The following CELF4 variants were observed in gnomAD, a reference collection of about 807,000 sequenced individuals.
CELF4 encodes CUGBP Elav-like family member 4.
A neutral mutation model predicts 59.9 loss-of-function variants in CELF4; 18 were observed. The ratio of observed to expected loss-of-function variants is 0.30; its 90% CI spans 0.21 to 0.45. The LOEUF (loss-of-function observed/expected upper bound fraction) is 0.45, where lower values mean the gene tolerates loss of function less well. CELF4 is among the 20% of genes least tolerant of loss of function. The pLI is 1.00. For missense variants in CELF4, 456 were observed against 689.0 expected, an observed-to-expected ratio of 0.66 and a Z score of 3.79; for synonymous variants, 261 against 267.1, an observed-to-expected ratio of 0.98 and a Z score of 0.22.
intron 1 of CELF4, among the ~76,000 whole-genome samples, chr18:37,498,613 G>A (rs79414125): frequency 0.028 from 4,254 of 151,142 alleles, 111 homozygotes; most frequent in African/African-American, 0.065. Flanking sequence ...ATTTTCCCCC[G>A]ACCATCCCAG....
At chr18:37,540,952 G>A (rs1023867632) in intron 1 of CELF4, among the ~76,000 whole-genome samples, 6 of 152,120 alleles carry the variant, frequency 3.9e-5, no homozygotes, top group Non-Finnish European at 8.8e-5. Flanking sequence ...GGGGGCATGG[G>A]GAAGGAGGAC....
intron 4 of CELF4, 32 bp downstream of exon 4, chr18:37,275,083 C>G: frequency 1.2e-6 from 2 of 1,608,758 alleles, no homozygotes; most frequent in Non-Finnish European, 1.7e-6. Flanking sequence ...CCCCTCCCTC[C>G]GGGGCATCCC....
intron 2 of CELF4, among the ~76,000 whole-genome samples, chr18:37,344,810 G>A (rs1465830239): frequency 2.0e-5 from 3 of 152,234 alleles, no homozygotes; most frequent in African/African-American, 7.2e-5. Context: ...GCTGCAAGGG[G>A]AGGGGACACG....
chr18:37,249,356 C>G (rs986516405), intron 12 of CELF4, among the ~76,000 whole-genome samples: 1 of 152,170 alleles, frequency 6.6e-6, no homozygotes, highest in African/African-American at 2.4e-5. Flanking sequence ...CTTTCTCCCT[C>G]CATTCCAGCC....
intron 2 of CELF4, among the ~76,000 whole-genome samples, chr18:37,392,137 G>A (rs1163835856): frequency 6.6e-6 from 1 of 152,228 alleles, no homozygotes; most frequent in East Asian, 1.9e-4. Context: ...TCATCACTGT[G>A]GTGGGGGAAG....
chr18:37,256,673 T>C (rs571073788), intron 11 of CELF4, among the ~76,000 whole-genome samples: 2 of 151,614 alleles, frequency 1.3e-5, no homozygotes, highest in South Asian at 2.1e-4. Flanking sequence ...GCAACCTCCC[T>C]TCCTGGGTTC....
intron 2 of CELF4, among the ~76,000 whole-genome samples, chr18:37,483,793 G>C (rs992490671): frequency 6.6e-6 from 1 of 152,170 alleles, no homozygotes; most frequent in Non-Finnish European, 1.5e-5. Flanking sequence ...GATTGCTTCT[G>C]AGAAACCATC....
intron 3 of CELF4, among the ~76,000 whole-genome samples, chr18:37,283,541 A>G (rs1224204489): frequency 6.6e-6 from 1 of 152,322 alleles, no homozygotes; most frequent in East Asian, 1.9e-4. Context: ...TAGATGCTCA[A>G]TAAATACATG....
intron 2 of CELF4, 76 bp from the exon 3 acceptor site, chr18:37,321,957 C>G: frequency 8.4e-7 from 1 of 1,196,258 alleles, no homozygotes; most frequent in Non-Finnish European, 1.2e-6. Context: ...CTCAGGTGCA[C>G]AGGTGAATGC....
intron 3 of CELF4, among the ~76,000 whole-genome samples, chr18:37,288,885 A>G (rs1032535084): frequency 6.6e-6 from 1 of 152,170 alleles, no homozygotes; most frequent in Middle Eastern, 3.2e-3. Context: ...GAGAACAGAA[A>G]TATTGCCTCT....
chr18:37,406,998 C>T (rs981839909), intron 2 of CELF4, among the ~76,000 whole-genome samples: 2 of 152,142 alleles, frequency 1.3e-5, no homozygotes, highest in Non-Finnish European at 2.9e-5. Context: ...GGTGGAAGGT[C>T]AGACCTCACT....
chr18:37,437,648 C>G (rs928599261), intron 2 of CELF4, among the ~76,000 whole-genome samples: 43 of 152,330 alleles, frequency 2.8e-4, no homozygotes, highest in Admixed American at 1.3e-3. Context: ...CATAAAGGAT[C>G]TCTGGCGAGG....
At chr18:37,563,572 AG>A (rs568399186) in intron 1 of CELF4, among the ~76,000 whole-genome samples, 3 of 151,006 alleles carry the variant, frequency 2.0e-5, no homozygotes, top group Admixed American at 6.6e-5. Flanking sequence ...CTTGAGAGGG[AG>A]GGGGGGAAAA....
chr18:37,262,417 G>C (rs948089338), intron 10 of CELF4, among the ~76,000 whole-genome samples: 5 of 152,140 alleles, frequency 3.3e-5, no homozygotes, highest in Non-Finnish European at 7.4e-5. Context: ...GGGGGGGCAG[G>C]AATTGCAGCT....
At chr18:37,398,944 G>A (rs942513766) in intron 2 of CELF4, among the ~76,000 whole-genome samples, 13 of 152,110 alleles carry the variant, frequency 8.5e-5, no homozygotes, top group East Asian at 1.9e-4. Flanking sequence ...TGCTTCACAC[G>A]TGACTGCTTT....
intron 1 of CELF4, among the ~76,000 whole-genome samples, chr18:37,546,986 G>A (rs556630821): frequency 2.6e-5 from 4 of 152,210 alleles, no homozygotes; most frequent in African/African-American, 9.6e-5. Context: ...CCATCATCCC[G>A]GGACAGACTC....
At chr18:37,338,759 C>CGTGG (rs1557282751) in intron 2 of CELF4, among the ~76,000 whole-genome samples, 1 of 145,572 alleles carries the variant, frequency 6.9e-6, no homozygotes, top group Non-Finnish European at 1.5e-5. Context: ...ATGCAGGAGC[C>CGTGG]GTGTGTGTGT....
chr18:37,307,481 C>T lies in CELF4; in HGVS notation c.448+14322G>A, dbSNP rs952391005. ...TTCTCTCTATAAATCTTCCCCCCGTCCCCCGCTCCCCCACCACCACAGCGG... is the reference window on the plus strand; with the variant it reads ...TTCTCTCTATAAATCTTCCCCCCGTTCCCCGCTCCCCCACCACCACAGCGG... On this transcript the variant is annotated intron_variant, in intron 3 of 12. Coordinates refer to ENST00000420428, the MANE Select transcript of CELF4 (RefSeq NM_020180.4). Among the ~76,000 whole-genome samples, 3 of 152,142 alleles carry T rather than the reference C, an allele frequency of 2.0e-5. No individual in the cohort carries two copies. The East Asian group carries it at 5.8e-4, about 29-fold the overall frequency.
chr18:37,397,593 TA>T (rs2099261060), intron 2 of CELF4, among the ~76,000 whole-genome samples: 1 of 152,162 alleles, frequency 6.6e-6, no homozygotes, highest in Admixed American at 6.5e-5. Context: ...GGCTCTGAGC[TA>T]CTCCTGGCCA....
Sources: allele counts gnomAD v4.1 joint callset (sites outside exome capture counted in the v4.1 genomes callset), GRCh38; gene constraint gnomAD v4.1.1; transcripts MANE v1.5; gene names NCBI Gene and HGNC (gene_info 2026-07-23, HGNC 2026-07-21).